MRC1: variants seen among roughly 807,000 people sequenced by gnomAD.
MRC1 encodes macrophage mannose receptor 1.
Under a neutral mutation model 102.9 loss-of-function variants are expected in MRC1, and 62 were observed. The ratio of observed to expected loss-of-function variants is 0.60; its 90% CI spans 0.49 to 0.74. The LOEUF is 0.74. MRC1 is among the 30% of genes least tolerant of loss of function. The pLI is 0.00. For synonymous variants in MRC1, 457 were observed against 298.4 expected (o/e 1.53, Z -5.48); for missense variants, 1,237 against 862.8 (o/e 1.43, Z -5.43).
At chr10:17,865,933 G>A (rs1433274874) in intron 11 of MRC1, among the ~76,000 whole-genome samples, 3 of 152,294 alleles carry the variant, frequency 2.0e-5, no homozygotes, top group Admixed American at 2.0e-4. Context: ...TACTTCCAAA[G>A]CTCTATCTTA....
intron 4 of MRC1, among the ~76,000 whole-genome samples, chr10:17,837,046 A>G (rs2130619129): frequency 6.6e-6 from 1 of 152,252 alleles, no homozygotes; most frequent in Middle Eastern, 3.4e-3. Context: ...ATCTGAGCGG[A>G]CAGCGGCTTT....
chr10:17,880,995 T>C, intron 20 of MRC1, 72 bp from the exon 21 acceptor site: 3 of 774,334 alleles, frequency 3.9e-6, no homozygotes, highest in Non-Finnish European at 7.2e-6. Context: ...TTGCTTTTTG[T>C]AGAGCAAAGT....
Position 17,823,430 on chromosome 10 carries a change from A to G in MRC1, c.418A>G (p.Lys140Glu). The G allele has an allele frequency of 1.3e-6, 1 of 780,866 alleles. No homozygotes were observed. Among genetic ancestry groups the G allele is most frequent in the South Asian group, 1.3e-5 (1 of 74,624 alleles). The allele number at this position is 780,866 out of a possible 1,614,324, so 48.4% of individuals were successfully genotyped here. A position where few individuals can be genotyped will look rare whatever the true frequency, so the allele number is the denominator to read the frequency against. The change falls in exon 2 of 30, where the codon AAG becomes GAG. Residue 140 changes from lysine (K) to glutamate (E), a missense_variant. Coordinates refer to ENST00000569591, the MANE Select transcript of MRC1 (RefSeq NM_002438.4). ...GGGATCGGGTTTATGGAGCAGGTGG[A>G]AGATCTATGGAACCACAGACAATCT... ...YKGSGLWSRW[K>E]IYGTTDNLCS...
intron 7 of MRC1, among the ~76,000 whole-genome samples, chr10:17,850,795 CAAAT>C (rs1838902991): frequency 6.6e-6 from 1 of 152,022 alleles, no homozygotes; most frequent in Admixed American, 6.6e-5. Context: ...AAGCAACTAA[CAAAT>C]AGATGAGAAA....
In MRC1 at chr10:17,900,935, C is replaced by G. The variant is rs976641411; in HGVS notation, c.3631C>G (p.Leu1211Val). The G allele has an allele frequency of 1.2e-5, 9 of 780,498 alleles. No individual in the cohort carries two copies. In the Admixed American group the frequency reaches 1.2e-4, roughly 10 times the overall value. 48.3% of individuals were successfully genotyped at this position (780,498 alleles called of 1,614,324 possible). A position where few individuals can be genotyped will look rare whatever the true frequency, so the allele number is the denominator to read the frequency against. Residue 1211 changes from leucine to valine, a missense_variant, in exon 25 of 30, where the codon CTC (leucine) becomes GTC (valine). Coordinates refer to ENST00000569591, the MANE Select transcript of MRC1 (RefSeq NM_002438.4). ...ACATTGCAATGAAAGTTTTTACTTT[C>G]TCTGTAAAAGATCAGATGGTAATTG... ...TAHCNESFYF[L>V]CKRSDEIPAT...
At position 17,831,839 on chromosome 10, in the gene MRC1, T is replaced by G. The variant is rs989474411; in HGVS notation, c.638-1836T>G. Among the ~76,000 whole-genome samples the G allele has an allele frequency of 4.1e-3, 617 of 151,708 alleles. 28 individuals carry two copies. The highest frequency in any genetic ancestry group is 0.014 in the African/African-American group (567 of 40,986). ...CGCAAACATCATATATGTGAAAAAC[T>G]ATCAATAATATTTATTTGTATATCA... On this transcript the variant is annotated intron_variant, in intron 3 of 29. Coordinates refer to ENST00000569591, the MANE Select transcript of MRC1 (RefSeq NM_002438.4).
At chr10:17,891,412 C>T (rs1265700536) in intron 22 of MRC1, among the ~76,000 whole-genome samples, 5 of 152,036 alleles carry the variant, frequency 3.3e-5, no homozygotes, top group African/African-American at 9.7e-5. Flanking sequence ...GTGATCTGCC[C>T]GCCTCGGCCT....
At chr10:17,832,763 G>A (rs1285630910) in intron 3 of MRC1, among the ~76,000 whole-genome samples, 1 of 150,766 alleles carries the variant, frequency 6.6e-6, no homozygotes, top group Non-Finnish European at 1.5e-5. Context: ...AATTTTTTTT[G>A]TATTTTTAAT....
chr10:17,884,565 C>T (rs1833563596), intron 21 of MRC1, among the ~76,000 whole-genome samples: 1 of 152,148 alleles, frequency 6.6e-6, no homozygotes, highest in Non-Finnish European at 1.5e-5. Flanking sequence ...GAAGGGGAAG[C>T]AAACATGTCC....
rs374835923 is a variant in MRC1 at position 17,849,612 on chromosome 10, G to T, written c.1097G>T (p.Trp366Leu). ...SDVPTHCPSQ[W>L]WPYAGHCYKI... ...GTGCCTACTCACTGTCCTAGTCAGT[G>T]GTGGCCGTATGCCGGTCACTGTTAC... Residue 366 changes from tryptophan (W) to leucine (L), a missense_variant, in exon 7 of 30, where the codon TGG (tryptophan) becomes TTG (leucine). Transcript: ENST00000569591. 1.3e-6 allele frequency: 1 copy of T among 780,678 alleles called. No homozygotes were observed. Among genetic ancestry groups the T allele is most frequent in the Admixed American group, 1.7e-5 (1 of 58,992 alleles). The allele number at this position is 780,678 out of a possible 1,614,324, so 48.4% of individuals were successfully genotyped here.
rs1443254030 is a variant in MRC1 at position 17,828,226 on chromosome 10, G to A, written c.637+511G>A. Among the ~76,000 whole-genome samples the A allele has an allele frequency of 9.9e-5, 15 of 151,956 alleles. No individual in the cohort carries two copies. The South Asian group carries it at 1.0e-3, about 10-fold the overall frequency. On this transcript the variant is annotated intron_variant, in intron 3 of 29. Coordinates refer to ENST00000569591, the MANE Select transcript of MRC1 (RefSeq NM_002438.4). Reference sequence around the variant, plus strand: ...CGAGTAGCTGGGACTACAGGCGCCCGCCACCACGCCTGGCTAATTTTTTGT... The same window carrying A: ...CGAGTAGCTGGGACTACAGGCGCCCACCACCACGCCTGGCTAATTTTTTGT...
At chr10:17,870,820 T>G (rs931971389) in intron 13 of MRC1, 28 bp from the exon 14 acceptor site, 2 of 872,020 alleles carry the variant, frequency 2.3e-6, no homozygotes, top group African/African-American at 1.6e-5. Flanking sequence ...CAATAGCATA[T>G]GCTTTCTTTA....
intron 26 of MRC1, among the ~76,000 whole-genome samples, chr10:17,903,328 T>C (rs951100071): frequency 3.8e-4 from 58 of 151,914 alleles, no homozygotes; most frequent in African/African-American, 1.3e-3. Context: ...TGCCTTCTTG[T>C]GTGTTAACTA....
intron 23 of MRC1, among the ~76,000 whole-genome samples, chr10:17,897,080 A>C (rs1320378292): frequency 2.0e-5 from 3 of 152,240 alleles, no homozygotes; most frequent in Non-Finnish European, 4.4e-5. Flanking sequence ...TTATGGACAC[A>C]AATTTGAATT....
chr10:17,822,094 A>G (rs1314059843), intron 1 of MRC1, among the ~76,000 whole-genome samples: 1 of 152,202 alleles, frequency 6.6e-6, no homozygotes, highest in Non-Finnish European at 1.5e-5. Context: ...TTGCAAGAGG[A>G]AGTTCCGTTT....
chr10:17,870,845 T>C lies in MRC1; in HGVS notation c.2112-3T>C, dbSNP rs1218321542. 42 of 872,280 alleles carry C rather than the reference T, an allele frequency of 4.8e-5. No individual in the cohort carries two copies. The highest frequency in any genetic ancestry group is 7.6e-5 in the Non-Finnish European group (38 of 501,202). 54.0% of individuals were successfully genotyped at this position (872,280 alleles called of 1,614,324 possible). A position where few individuals can be genotyped will look rare whatever the true frequency, so the allele number is the denominator to read the frequency against. ...TGCTTTCTTTATGTTTTGGATTTCA[T>C]AGAGCTAGTGGAAGCTACCACAAAC... On this transcript the variant is annotated splice_polypyrimidine_tract_variant and splice_region_variant and intron_variant, in intron 13 of 29. Coordinates refer to ENST00000569591, the MANE Select transcript of MRC1 (RefSeq NM_002438.4).
chr10:17,823,013 A>G (rs1405390483), intron 1 of MRC1, 61 bp from the exon 2 acceptor site: 3 of 772,994 alleles, frequency 3.9e-6, no homozygotes, highest in Non-Finnish European at 7.2e-6. Context: ...TCCTTGTTAC[A>G]TGAATCCACT....
chr10:17,823,550 C>T, intron 2 of MRC1, 75 bp downstream of exon 2: 3 of 775,578 alleles, frequency 3.9e-6, no homozygotes, highest in Non-Finnish European at 4.8e-6. Context: ...TCAAGAAAAT[C>T]ATCATGTTCT....
At chr10:17,856,504 A>AAAGTTTTCTTGGGGAATTCTCTC (rs1833095255) in intron 9 of MRC1, 152 bp downstream of exon 9, 1 of 649,618 alleles carries the variant, frequency 1.5e-6, no homozygotes, top group Admixed American at 2.7e-5. Context: ...TGTTGATCTC[A>AAAGTTTTCTTGGGGAATTCTCTC]CTGTTCTCCT....
Sources: allele counts gnomAD v4.1 joint callset (sites outside exome capture counted in the v4.1 genomes callset), GRCh38; gene constraint gnomAD v4.1.1; transcripts MANE v1.5; gene names NCBI Gene and HGNC (gene_info 2026-07-23, HGNC 2026-07-21).